ARID4B: variants seen among roughly 807,000 people sequenced by gnomAD.
The protein encoded by ARID4B is AT-rich interactive domain-containing protein 4B.
Under a neutral mutation model 147.5 loss-of-function variants are expected in ARID4B, and 26 were observed. The observed-to-expected ratio is 0.18, with a 90% CI of 0.13 to 0.24. ARID4B has a LOEUF of 0.24. ARID4B is among the 10% of genes least tolerant of loss of function. The pLI is 1.00. For missense variants in ARID4B, 1,179 were observed against 1,511.5 expected, an observed-to-expected ratio of 0.78 and a Z score of 3.65; for synonymous variants, 512 against 507.9, an observed-to-expected ratio of 1.01 and a Z score of -0.11.
At chr1:235,241,711 G>T (rs904733733) in intron 7 of ARID4B, among the ~76,000 whole-genome samples, 10 of 151,868 alleles carry the variant, frequency 6.6e-5, no homozygotes, top group Admixed American at 6.6e-5. Flanking sequence ...TAGAGAAGGG[G>T]TTTCACCATG....
rs1168685645 is a variant in ARID4B, at chr1:235,236,836, A to ATATATATATATATATATATGTGTG, written c.586-2345_586-2344insCACACATATATATATATATATATA. 3.2e-4 allele frequency among the ~76,000 whole-genome samples: 8 copies of ATATATATATATATATATATGTGTG among 24,792 alleles called. 1 individual carries two copies. Among genetic ancestry groups the ATATATATATATATATATATGTGTG allele is most frequent in the Admixed American group, 7.1e-4 (1 of 1,410 alleles). 16.3% of individuals were successfully genotyped at this position (24,792 alleles called of 152,430 possible). On this transcript the variant is annotated intron_variant, in intron 8 of 23. Transcript: ENST00000264183. ...CCCACAAAACGGTTTTATAAAAAAT[A>ATATATATATATATATATATGTGTG]TATATATATATATATATATATATAT...
intron 21 of ARID4B, chr1:235,176,949 C>T: frequency 2.1e-6 from 1 of 471,026 alleles, no homozygotes; most frequent in Non-Finnish European, 4.4e-6. Context: ...ACTTTGTCTA[C>T]AAAAGAGAGA....
intron 17 of ARID4B, among the ~76,000 whole-genome samples, chr1:235,198,926 CCT>C (rs1342047821): frequency 6.6e-6 from 1 of 152,050 alleles, no homozygotes; most frequent in Non-Finnish European, 1.5e-5. Flanking sequence ...ATGGTGAAAC[CCT>C]GTCTCTACAA....
chr1:235,257,260 A>G, intron 3 of ARID4B, 35 bp from the exon 4 acceptor site: 1 of 1,445,034 alleles, frequency 6.9e-7, no homozygotes, highest in Non-Finnish European at 9.7e-7. Flanking sequence ...CACCAAAAAT[A>G]AACCAAGCAA....
intron 8 of ARID4B, among the ~76,000 whole-genome samples, chr1:235,236,833 A>AAAAAAAAAATATATATATATATAT (rs1175189621): frequency 3.0e-5 from 1 of 33,518 alleles, no homozygotes; most frequent in Non-Finnish European, 4.7e-5. Flanking sequence ...TTTTATAAAA[A>AAAAAAAAAATATATATATATATAT]ATATATATAT....
chr1:235,273,839 C>A (rs967053531), intron 2 of ARID4B, among the ~76,000 whole-genome samples: 4 of 152,178 alleles, frequency 2.6e-5, no homozygotes, highest in Non-Finnish European at 5.9e-5. Flanking sequence ...CGAATCAATT[C>A]TCCCACCACT....
At chr1:235,176,571 G>C (rs1455604359) in intron 21 of ARID4B, among the ~76,000 whole-genome samples, 1 of 151,456 alleles carries the variant, frequency 6.6e-6, no homozygotes, top group Non-Finnish European at 1.5e-5. Flanking sequence ...TCCACCACTG[G>C]TTGACACATA....
At chr1:235,257,117 T>C (rs1388968949) in intron 4 of ARID4B, 43 bp downstream of exon 4, 1 of 1,350,374 alleles carries the variant, frequency 7.4e-7, no homozygotes, top group Admixed American at 1.7e-5. Flanking sequence ...TGATTATTTT[T>C]TCCCAAACAA....
At chr1:235,175,460 TA>T (rs781660068) in intron 21 of ARID4B, 61 bp from the exon 22 acceptor site, 290 of 1,358,938 alleles carry the variant, frequency 2.1e-4, no homozygotes, top group Middle Eastern at 1.3e-3. Flanking sequence ...TCACAGATTT[TA>T]GTAGGTAATT....
At chr1:235,240,120 A>AT in intron 8 of ARID4B, among the ~76,000 whole-genome samples, 193 bp downstream of exon 8, 1 of 152,276 alleles carries the variant, frequency 6.6e-6, no homozygotes, top group South Asian at 2.1e-4. Flanking sequence ...GATTATCAAG[A>AT]TTTTGCCTTT....
intron 16 of ARID4B, among the ~76,000 whole-genome samples, chr1:235,215,549 G>A (rs200819950): frequency 1.8e-4 from 24 of 136,346 alleles, no homozygotes; most frequent in Admixed American, 1.2e-3. Flanking sequence ...ACATATATAT[G>A]TGTGTGTGTG....
At chr1:235,215,204 T>G (rs1666979303) in intron 16 of ARID4B, among the ~76,000 whole-genome samples, 1 of 152,132 alleles carries the variant, frequency 6.6e-6, no homozygotes, top group Non-Finnish European at 1.5e-5. Context: ...ATTCATATCC[T>G]TTTTATATTG....
intron 14 of ARID4B, 26 bp from the exon 15 acceptor site, chr1:235,220,571 T>C: frequency 4.6e-6 from 7 of 1,512,840 alleles, no homozygotes; most frequent in Non-Finnish European, 6.2e-6. Flanking sequence ...GAAATTACAT[T>C]TGGTGAAAAC....
intron 2 of ARID4B, among the ~76,000 whole-genome samples, chr1:235,320,207 G>A (rs1007644740): frequency 6.6e-6 from 1 of 151,742 alleles, no homozygotes; most frequent in Non-Finnish European, 1.5e-5. Flanking sequence ...GGGGAGTCTG[G>A]GGCAAGAGAA....
intron 2 of ARID4B, among the ~76,000 whole-genome samples, chr1:235,313,849 C>T (rs879641817): frequency 6.6e-6 from 1 of 152,146 alleles, no homozygotes; most frequent in Non-Finnish European, 1.5e-5. Flanking sequence ...TCACCTTCTA[C>T]TAAACATTCT....
intron 17 of ARID4B, among the ~76,000 whole-genome samples, chr1:235,196,853 C>CAAAAAAAA (rs34581094): frequency 1.5e-4 from 13 of 87,950 alleles, no homozygotes; most frequent in East Asian, 3.6e-4. Context: ...CTCTGTTTCA[C>CAAAAAAAA]AAAAAAAAAA....
intron 2 of ARID4B, among the ~76,000 whole-genome samples, chr1:235,311,116 AAC>A (rs1158728319): frequency 6.6e-6 from 1 of 152,114 alleles, no homozygotes; most frequent in African/African-American, 2.4e-5. Flanking sequence ...AATGATATTT[AAC>A]AGTTGGTGGC....
chr1:235,185,403 G>A (rs189324070), intron 19 of ARID4B, among the ~76,000 whole-genome samples: 90 of 151,890 alleles, frequency 5.9e-4, no homozygotes, highest in Middle Eastern at 6.8e-3. Context: ...TAAATTAAGC[G>A]TTGTATCCAA....
chr1:235,228,426 GC>G (rs1572028825), intron 11 of ARID4B: 1 of 150,682 alleles, frequency 6.6e-6, no homozygotes, highest in East Asian at 2.0e-4. Flanking sequence ...CTCCTCAGTA[GC>G]TGGGGCTACT....
Sources: allele counts gnomAD v4.1 joint callset (sites outside exome capture counted in the v4.1 genomes callset), GRCh38; gene constraint gnomAD v4.1.1; transcripts MANE v1.5; gene names NCBI Gene and HGNC (gene_info 2026-07-23, HGNC 2026-07-21).